Variants in MPP7 observed in about 807,000 individuals in gnomAD.
MPP7 encodes the protein MAGUK p55 subfamily member 7.
A neutral mutation model predicts 76.5 loss-of-function variants in MPP7; 60 were observed. The ratio of observed to expected loss-of-function variants is 0.78; its 90% confidence interval spans 0.64 to 0.97. The LOEUF is 0.97. MPP7 is among the 50% of genes least tolerant of loss of function. MPP7 has a pLI of 0.00. For missense variants in MPP7, 641 were observed against 694.0 expected (o/e 0.92, Z 0.86); for synonymous variants, 237 against 244.5 (o/e 0.97, Z 0.29).
At chr10:28,177,574 A>C (rs773765228) in intron 3 of MPP7, among the ~76,000 whole-genome samples, 3 of 152,206 alleles carry the variant, frequency 2.0e-5, no homozygotes, top group Non-Finnish European at 4.4e-5. Flanking sequence ...GAAAATGATT[A>C]AATAAACCAT....
At chr10:28,241,138 T>A (rs1021053519) in intron 1 of MPP7, among the ~76,000 whole-genome samples, 1 of 152,138 alleles carries the variant, frequency 6.6e-6, no homozygotes, top group Non-Finnish European at 1.5e-5. Context: ...AGACAACATA[T>A]GCTTATATCA....
intron 1 of MPP7, among the ~76,000 whole-genome samples, chr10:28,277,376 A>G (rs1048340185): frequency 6.6e-6 from 1 of 150,664 alleles, no homozygotes; most frequent in African/African-American, 2.4e-5. Flanking sequence ...AAAAAAAAAA[A>G]TTAATTAAAA....
At chr10:28,054,309 C>T (rs555470202) in intron 16 of MPP7, 65 bp from the exon 17 acceptor site, 5 of 918,720 alleles carry the variant, frequency 5.4e-6, no homozygotes, top group East Asian at 2.6e-5. Flanking sequence ...CATATCAATG[C>T]AAACATTCTA....
chr10:28,110,576 G>A (rs1834475545), intron 11 of MPP7, among the ~76,000 whole-genome samples: 1 of 152,180 alleles, frequency 6.6e-6, no homozygotes, highest in Non-Finnish European at 1.5e-5. Flanking sequence ...GGGAGTAACA[G>A]GGGAATGAAA....
At chr10:28,118,196 C>T (rs1834718249) in intron 11 of MPP7, 1 of 984,960 alleles carries the variant, frequency 1.0e-6, no homozygotes, top group Non-Finnish European at 1.2e-6. Context: ...ACACATACCC[C>T]CACACACACC....
chr10:28,320,120 T>C (rs1251538329), intron 2 of MPP7, among the ~76,000 whole-genome samples: 1 of 152,280 alleles, frequency 6.6e-6, no homozygotes, highest in East Asian at 1.9e-4. Flanking sequence ...AGTTAGTGAC[T>C]CTGGAGAAGA....
intron 1 of MPP7, among the ~76,000 whole-genome samples, chr10:28,257,470 T>C (rs1272457731): frequency 6.6e-6 from 1 of 151,618 alleles, no homozygotes; most frequent in Non-Finnish European, 1.5e-5. Context: ...TTGGAAATCA[T>C]CATTCTCAGT....
intron 2 of MPP7, chr10:28,203,173 T>C (rs1275784786): frequency 6.6e-6 from 1 of 152,244 alleles, no homozygotes. Context: ...CTTTTATTTC[T>C]TGTCTGCTGT....
At chr10:28,165,363 GA>G (rs930152892) in intron 3 of MPP7, among the ~76,000 whole-genome samples, 14 of 152,034 alleles carry the variant, frequency 9.2e-5, no homozygotes, top group Admixed American at 3.3e-4. Flanking sequence ...TCCCTATAAA[GA>G]AATTTTTAAA....
At chr10:28,217,984 T>C (rs889349109) in intron 2 of MPP7, among the ~76,000 whole-genome samples, 2 of 152,244 alleles carry the variant, frequency 1.3e-5, no homozygotes, top group African/African-American at 4.8e-5. Context: ...GAGCTCTGAT[T>C]TACTAACACA....
In MPP7 at chr10:28,313,868, TTTTTTTTA is replaced by T. The variant is rs1476981800; in HGVS notation, c.-132+16053_-132+16060del. Among the ~76,000 whole-genome samples the T allele has an allele frequency of 7.6e-3, 153 of 20,114 alleles. 8 individuals are homozygous for T. The highest frequency in any genetic ancestry group is 0.039 in the African/African-American group (139 of 3,586). The allele number at this position is 20,114 out of a possible 152,430, so 13.2% of individuals were successfully genotyped here. A position where few individuals can be genotyped will look rare whatever the true frequency, so the allele number is the denominator to read the frequency against. ...TACCTGGCTAATTTTTTTTTTTTTA[TTTTTTTTA>T]TTTTTTTTTGGTAGAGACAGGGTTT... On this transcript the variant is annotated intron_variant, in intron 2 of 11. Coordinates refer to the MPP7 transcript ENST00000441595.
intron 1 of MPP7, among the ~76,000 whole-genome samples, chr10:28,246,307 G>GA (rs141431806): frequency 0.086 from 12,796 of 149,096 alleles, 698 homozygotes; most frequent in Non-Finnish European, 0.12. Flanking sequence ...TCAAAGTGGT[G>GA]AAAAAAAAAA....
At chr10:28,229,895 A>AAAAAAAAC (rs1554854437) in intron 2 of MPP7, among the ~76,000 whole-genome samples, 1 of 150,266 alleles carries the variant, frequency 6.7e-6, no homozygotes, top group Non-Finnish European at 1.5e-5. Flanking sequence ...TCTCAAAAAA[A>AAAAAAAAC]AAAAACAAAA....
intron 1 of MPP7, among the ~76,000 whole-genome samples, chr10:28,240,859 G>A (rs1564726670): frequency 6.6e-6 from 1 of 152,036 alleles, no homozygotes; most frequent in Non-Finnish European, 1.5e-5. Context: ...ATTAAAAAAT[G>A]AAAATCAATT....
intron 3 of MPP7, among the ~76,000 whole-genome samples, chr10:28,177,260 CAAAAAAAAA>C (rs57984876): frequency 9.6e-6 from 1 of 104,182 alleles, no homozygotes; most frequent in African/African-American, 3.8e-5. Flanking sequence ...ACTAAAAATG[CAAAAAAAAA>C]AAAAAAAAAA....
At chr10:28,143,854 GC>G (rs1835609281) in intron 5 of MPP7, among the ~76,000 whole-genome samples, 2 of 113,402 alleles carry the variant, frequency 1.8e-5, no homozygotes, top group East Asian at 2.2e-4. Context: ...TCAATCGTGT[GC>G]TGTGTGTGTG....
intron 5 of MPP7, among the ~76,000 whole-genome samples, chr10:28,144,887 T>A (rs1371765104): frequency 6.6e-6 from 1 of 152,054 alleles, no homozygotes; most frequent in Non-Finnish European, 1.5e-5. Flanking sequence ...TGGCACACAC[T>A]AGGCATTAGA....
At chr10:28,059,027 T>C (rs1264336168) in intron 14 of MPP7, among the ~76,000 whole-genome samples, 1 of 152,208 alleles carries the variant, frequency 6.6e-6, no homozygotes, top group Non-Finnish European at 1.5e-5. Context: ...CAGTCGATCA[T>C]GTGCTATAAA....
At chr10:28,121,995 A>G (rs1055108213) in intron 8 of MPP7, among the ~76,000 whole-genome samples, 2 of 152,200 alleles carry the variant, frequency 1.3e-5, no homozygotes, top group Non-Finnish European at 2.9e-5. Context: ...ACAGCAAGTT[A>G]AGTAAAATGG....
Sources: gnomAD v4.1 joint callset for allele counts (sites outside exome capture counted in the v4.1 genomes callset) on GRCh38, gnomAD v4.1.1 for gene constraint, MANE v1.5 for transcripts, NCBI Gene and HGNC (gene_info 2026-07-23, HGNC 2026-07-21) for gene names.